Variants in SCG2 observed in about 807,000 individuals in gnomAD.
SCG2 encodes the protein secretogranin-2.
In SCG2, 23 loss-of-function variants were observed where a neutral mutation model predicts 49.5. That is an observed-to-expected ratio of 0.46 (90% CI 0.33 to 0.66). The LOEUF is 0.66. Among genes scored for constraint, SCG2 ranks in the 30% least tolerant of loss-of-function variants. The probability of loss-of-function intolerance (pLI) is 0.01; values close to 1 mark genes in which losing one functional copy is unlikely to be tolerated. For synonymous variants in SCG2, 288 were observed against 260.4 expected, an observed-to-expected ratio of 1.11 and a Z score of -1.02; for missense variants, 730 against 728.2, an observed-to-expected ratio of 1.00 and a Z score of -0.03.
At chr2:223,601,952 A>G (rs1479804255) in intron 1 of SCG2, among the ~76,000 whole-genome samples, 1 of 152,220 alleles carries the variant, frequency 6.6e-6, no homozygotes, top group Non-Finnish European at 1.5e-5. Flanking sequence ...GAAATAATAA[A>G]TTTTGGAAAG....
intron 1 of SCG2, among the ~76,000 whole-genome samples, chr2:223,600,668 A>G (rs1193799866): frequency 6.6e-6 from 1 of 152,118 alleles, no homozygotes; most frequent in African/African-American, 2.4e-5. Context: ...TCACAAGATC[A>G]TATTGATGAT....
rs1413821401 is a variant in SCG2 at position 223,598,618 on chromosome 2, T to C, written c.665A>G (p.Glu222Gly). 1 of 1,614,160 alleles carries C rather than the reference T, an allele frequency of 6.2e-7. No homozygotes were observed. Among genetic ancestry groups the C allele is most frequent in the African/African-American group, 1.3e-5 (1 of 75,070 alleles). The change falls in exon 2 of 2, where the codon GAG becomes GGG. Residue 222 changes from glutamate to glycine, a missense_variant. Coordinates refer to ENST00000305409, the MANE Select transcript of SCG2 (RefSeq NM_003469.5). ...TTCATCATCCGTATAAAGTTTTTGC[T>C]CCTCATCCATCCTCTCACGTTTCTG... ...NNQKRERMDE[E>G]QKLYTDDEDD...
In SCG2 at chr2:223,598,232, G is replaced by T; in HGVS notation, c.1051C>A (p.Leu351Met). Residue 351 changes from leucine to methionine, a missense_variant, in exon 2 of 2, where the codon CTG becomes ATG. Physicochemically the swap from Leu to Met is conservative, Grantham distance 15. Transcript: ENST00000305409. ...KPLDSQSIYQ[L>M]IEISRNLQIP... ...TGTAAATTCCTTGAGATTTCAATCA[G>T]CTGATAAATAGACTGAGAATCAAGA... 1 of 1,614,138 alleles carries T rather than the reference G, an allele frequency of 6.2e-7. No homozygotes were observed. The highest frequency in any genetic ancestry group is 8.5e-7 in the Non-Finnish European group (1 of 1,180,032).
Position 223,598,384 on chromosome 2 carries a change from T to G in SCG2, c.899A>C (p.Lys300Thr). The G allele has an allele frequency of 6.2e-7, 1 of 1,614,120 alleles. No individual in the cohort carries two copies. Among genetic ancestry groups the G allele is most frequent in the Non-Finnish European group, 8.5e-7 (1 of 1,180,032 alleles). The change falls in exon 2 of 2, where the codon AAA becomes ACA. Residue 300 changes from lysine to threonine, a missense_variant. Coordinates refer to ENST00000305409, the MANE Select transcript of SCG2 (RefSeq NM_003469.5). ...GGAGACATCATCTGAGAGTTGGTCTTTACTCTCTTTCCGAAGATCTTCTTC... is the reference window on the plus strand; with the variant it reads ...GGAGACATCATCTGAGAGTTGGTCTGTACTCTCTTTCCGAAGATCTTCTTC... ...IQEEDLRKES[K>T]DQLSDDVSKV...
intron 1 of SCG2, among the ~76,000 whole-genome samples, chr2:223,601,858 G>A (rs1691395464): frequency 6.6e-6 from 1 of 152,126 alleles, no homozygotes; most frequent in African/African-American, 2.4e-5. Flanking sequence ...ATGCTTGACA[G>A]CCTTTGTATC....
chr2:223,598,310 T>A lies in SCG2; in HGVS notation c.973A>T (p.Arg325Trp), dbSNP rs199592486. The change falls in exon 2 of 2, where the codon AGG becomes TGG. Residue 325 changes from arginine (R) to tryptophan (W), a missense_variant. Arg to Trp is a moderately radical substitution (Grantham distance 101). Transcript: ENST00000305409. ...TCCCCATTTTGCCCATTCTGTAACC[T>A]CCCACTTCCTGCAGCATTTACTAAC... ...KRLVNAAGSG[R>W]LQNGQNGERA... The A allele has an allele frequency of 6.2e-7, 1 of 1,613,960 alleles. No homozygotes were observed. The highest frequency in any genetic ancestry group is 8.5e-7 in the Non-Finnish European group (1 of 1,180,030).
chr2:223,597,976 A>C lies in SCG2; in HGVS notation c.1307T>G (p.Ile436Ser). ...ALPDGLSVED[I>S]LNLLGMESAA... is the part of the protein sequence containing the mutation. Reference sequence around the variant, plus strand: ...ACTCTCCATCCCTAAAAGATTTAAAATATCCTCAACACTGAGCCCGTCTGG... The same window carrying C: ...ACTCTCCATCCCTAAAAGATTTAAACTATCCTCAACACTGAGCCCGTCTGG... Residue 436 changes from isoleucine to serine, a missense_variant, in exon 2 of 2, where the codon ATT (isoleucine) becomes AGT (serine). Ile to Ser is a moderately radical substitution (Grantham distance 142). Coordinates refer to ENST00000305409, the MANE Select transcript of SCG2 (RefSeq NM_003469.5). 6.2e-7 allele frequency: 1 copy of C among 1,614,106 alleles called. No individual in the cohort carries two copies. Among genetic ancestry groups the C allele is most frequent in the Non-Finnish European group, 8.5e-7 (1 of 1,180,018 alleles).
intron 1 of SCG2, among the ~76,000 whole-genome samples, chr2:223,600,796 A>G (rs926144464): frequency 1.3e-5 from 2 of 152,156 alleles, no homozygotes; most frequent in Non-Finnish European, 2.9e-5. Flanking sequence ...TGAAAGAAAC[A>G]TCTTGAAAGG....
Position 223,598,472 on chromosome 2 carries a change from T to A in SCG2, c.811A>T (p.Asn271Tyr). The stretch of plus-strand genomic sequence containing the variant: ...TTGATTTGTTCATTTTTTTCTATAT[T>A]CTCTTTGCTGTCTCTCACCTCTTCC... ...TQEEVRDSKENIEKNEQINDE... is the reference protein window; with the variant it reads ...TQEEVRDSKEYIEKNEQINDE... Residue 271 changes from asparagine (N) to tyrosine (Y), a missense_variant, in exon 2 of 2, where the codon AAT becomes TAT. By Grantham distance (143) the Asn-to-Tyr change is moderately radical. Coordinates refer to ENST00000305409, the MANE Select transcript of SCG2 (RefSeq NM_003469.5). The A allele has an allele frequency of 6.2e-7, 1 of 1,614,052 alleles. No homozygotes were observed. The highest frequency in any genetic ancestry group is 8.5e-7 in the Non-Finnish European group (1 of 1,180,028).
chr2:223,598,171 G>C lies in SCG2; in HGVS notation c.1112C>G (p.Thr371Ser). The C allele has an allele frequency of 6.2e-7, 1 of 1,614,022 alleles. No homozygotes were observed. ...PPEDLIEMLK[T>S]GEKPNGSVEP... is the part of the protein sequence containing the mutation. ...CACTGATCCATTCGGCTTCTCCCCA[G>C]TTTTGAGCATCTCAATTAAGTCTTC... The change falls in exon 2 of 2, where the codon ACT becomes AGT. Residue 371 changes from threonine (T) to serine (S), a missense_variant. Thr to Ser is a moderately conservative substitution (Grantham distance 58). Transcript: ENST00000305409.
chr2:223,598,802 G>C lies in SCG2; in HGVS notation c.481C>G (p.Leu161Val). The part of the protein sequence containing the change: ...YETQQWPERK[L>V]KHMQFPPMYE... ...ATAGGAGGGAATTGCATGTGCTTAA[G>C]CTTTCTTTCTGGCCACTGCTGTGTC... Residue 161 changes from leucine to valine, a missense_variant, in exon 2 of 2, where the codon CTT becomes GTT. Physicochemically the swap from Leu to Val is conservative, Grantham distance 32 (BLOSUM62 1). Transcript: ENST00000305409. The C allele has an allele frequency of 6.2e-7, 1 of 1,614,076 alleles. No individual in the cohort carries two copies. Among genetic ancestry groups the C allele is most frequent in the Non-Finnish European group, 8.5e-7 (1 of 1,180,002 alleles).
Position 223,597,359 on chromosome 2 carries a change from A to T in SCG2, c.*70T>A, listed in dbSNP as rs1159902363. On this transcript the variant is annotated 3_prime_UTR_variant, in exon 2 of 2. Transcript: ENST00000305409. ...CAGTGTTAACAGGATAGAAGTCAAC[A>T]CACTGAAGAGAAATGTTGGGATTTG... The T allele has an allele frequency of 7.9e-6, 12 of 1,520,334 alleles. No homozygotes were observed. Among genetic ancestry groups the T allele is most frequent in the Non-Finnish European group, 9.7e-6 (11 of 1,132,770 alleles). The allele number at this position is 1,520,334 out of a possible 1,614,324, so 94.2% of individuals were successfully genotyped here. A position where few individuals can be genotyped will look rare whatever the true frequency, so the allele number is the denominator to read the frequency against.
In SCG2 at chr2:223,597,527, C is replaced by T; in HGVS notation, c.1756G>A (p.Asp586Asn). Reference protein sequence around the residue: ...NDDTPNRQYWDEDLLMKVLEY... With the variant: ...NDDTPNRQYWNEDLLMKVLEY... ...AGCACTTTCATTAACAGATCTTCAT[C>T]CCAGTACTGCCTATTTGGGGTATCA... The change falls in exon 2 of 2, where the codon GAT becomes AAT. Residue 586 changes from aspartate (D) to asparagine (N), a missense_variant. Physicochemically the swap from Asp to Asn is conservative, Grantham distance 23. Transcript: ENST00000305409. 6.2e-7 allele frequency: 1 copy of T among 1,614,140 alleles called. No homozygotes were observed. Among genetic ancestry groups the T allele is most frequent in the Non-Finnish European group, 8.5e-7 (1 of 1,180,016 alleles).
rs1294290969 is a variant in SCG2 at position 223,598,001 on chromosome 2, G to T, written c.1282C>A (p.Pro428Thr). The change falls in exon 2 of 2, where the codon CCA (proline) becomes ACA (threonine). Residue 428 changes from proline (P) to threonine (T), a missense_variant. By Grantham distance (38) the Pro-to-Thr change is conservative. Transcript: ENST00000305409. The stretch of plus-strand genomic sequence containing the variant: ...ATATCCTCAACACTGAGCCCGTCTG[G>T]TAGGGCCTCAGTCCCAGCACGACCA... ...TPGRAGTEAL[P>T]DGLSVEDILN... is the part of the protein sequence containing the mutation. 5.0e-6 allele frequency: 8 copies of T among 1,613,760 alleles called. No individual in the cohort carries two copies. Among genetic ancestry groups the T allele is most frequent in the African/African-American group, 1.3e-5 (1 of 74,874 alleles).
In SCG2 at chr2:223,597,432, C is replaced by T; in HGVS notation, c.1851G>A (p.Met617Ile). 6.3e-7 allele frequency: 1 copy of T among 1,588,926 alleles called. No homozygotes were observed. Among genetic ancestry groups the T allele is most frequent in the Non-Finnish European group, 8.6e-7 (1 of 1,167,474 alleles). The change falls in exon 2 of 2, where the codon ATG becomes ATA. Residue 617 changes from methionine (M) to isoleucine (I), a missense_variant. Transcript: ENST00000305409. ...EHIAKRAMEN[M>I] Reference sequence around the variant, plus strand: ...TAGGGTAATTAATGAAAGCAGCTTACATATTTTCCATTGCTCTCTTAGCAA... The same window carrying T: ...TAGGGTAATTAATGAAAGCAGCTTATATATTTTCCATTGCTCTCTTAGCAA...
chr2:223,598,590 A>G lies in SCG2; in HGVS notation c.693T>C (p.Asp231=). Residue 231 remains aspartate, a synonymous_variant, in exon 2 of 2, where the codon GAT becomes GAC. Transcript: ENST00000305409. ...EEQKLYTDDE[D]DIYKANNIAY... ...CAATGTTATTAGCCTTGTAGATATC[A>G]TCTTCATCATCCGTATAAAGTTTTT... is the stretch of plus-strand genomic sequence containing the variant. 1.9e-6 allele frequency: 3 copies of G among 1,614,074 alleles called. No individual in the cohort carries two copies. The highest frequency in any genetic ancestry group is 2.5e-6 in the Non-Finnish European group (3 of 1,180,026).
In SCG2 at chr2:223,598,493, C is replaced by T. The variant is rs1691337071; in HGVS notation, c.790G>A (p.Glu264Lys). Residue 264 changes from glutamate (E) to lysine (K), a missense_variant, in exon 2 of 2, where the codon GAG becomes AAG. Coordinates refer to ENST00000305409, the MANE Select transcript of SCG2 (RefSeq NM_003469.5). The part of the protein sequence containing the change: ...EEKIESQTQE[E>K]VRDSKENIEK... ...ATATTCTCTTTGCTGTCTCTCACCTCTTCCTGGGTTTGACTCTCTATTTTC... is the reference window on the plus strand; with the variant it reads ...ATATTCTCTTTGCTGTCTCTCACCTTTTCCTGGGTTTGACTCTCTATTTTC... 1 of 1,614,006 alleles carries T rather than the reference C, an allele frequency of 6.2e-7. No homozygotes were observed. Among genetic ancestry groups the T allele is most frequent in the Non-Finnish European group, 8.5e-7 (1 of 1,180,034 alleles).
chr2:223,598,500 G>T lies in SCG2; in HGVS notation c.783C>A (p.Thr261=), dbSNP rs1265865850. The T allele has an allele frequency of 6.2e-7, 1 of 1,613,696 alleles. No homozygotes were observed. The highest frequency in any genetic ancestry group is 8.5e-7 in the Non-Finnish European group (1 of 1,179,952). ...NPVEEKIESQ[T]QEEVRDSKEN... Reference sequence around the variant, plus strand: ...CTTTGCTGTCTCTCACCTCTTCCTGGGTTTGACTCTCTATTTTCTCCTCTA... The same window carrying T: ...CTTTGCTGTCTCTCACCTCTTCCTGTGTTTGACTCTCTATTTTCTCCTCTA... Residue 261 remains threonine (T), a synonymous_variant, in exon 2 of 2, where the codon ACC becomes ACA. Transcript: ENST00000305409.
At position 223,599,020 on chromosome 2, in the gene SCG2, A is replaced by C; in HGVS notation, c.263T>G (p.Leu88Arg). 6.2e-7 allele frequency: 1 copy of C among 1,614,126 alleles called. No homozygotes were observed. The highest frequency in any genetic ancestry group is 1.1e-5 in the South Asian group (1 of 91,076). The change falls in exon 2 of 2, where the codon CTT becomes CGT. Residue 88 changes from leucine to arginine, a missense_variant. By Grantham distance (102) the Leu-to-Arg change is moderately radical. Coordinates refer to ENST00000305409, the MANE Select transcript of SCG2 (RefSeq NM_003469.5). The part of the protein sequence containing the change: ...YNPYQGVSVP[L>R]QQKENGDESH... ...TTCATCGCCATTTTCTTTTTGCTGA[A>C]GGGGGACAGAGACACCTTGGTAGGG...
Sources: allele counts gnomAD v4.1 joint callset (sites outside exome capture counted in the v4.1 genomes callset), GRCh38; gene constraint gnomAD v4.1.1; transcripts MANE v1.5; gene names NCBI Gene and HGNC (gene_info 2026-07-23, HGNC 2026-07-21).